Variants in COL12A1 observed in about 807,000 individuals in gnomAD.
COL12A1 encodes the protein collagen alpha-1(XII) chain.
A neutral mutation model predicts 349.7 loss-of-function variants in COL12A1; 114 were observed. The ratio of observed to expected loss-of-function variants is 0.33; its 90% CI spans 0.28 to 0.38. The LOEUF (loss-of-function observed/expected upper bound fraction) is 0.38. Among genes scored for constraint, COL12A1 ranks in the 10% least tolerant of loss-of-function variants. COL12A1 has a pLI of 1.00. For synonymous variants in COL12A1, 1,369 were observed against 1,329.0 expected (o/e 1.03, Z -0.66); for missense variants, 3,284 against 3,756.9 (o/e 0.87, Z 3.29).
Position 75,103,856 on chromosome 6 carries a change from A to G in COL12A1, c.8266-46T>C, listed in dbSNP as rs374531896. ...AGTAGTGTGAACATAGGAAAATAGG[A>G]GGAAGTTGATATACAAAAAGTCCTT... is the stretch of plus-strand genomic sequence containing the variant. On this transcript the variant is annotated intron_variant, in intron 54 of 65. Transcript: ENST00000322507. 17 of 1,486,418 alleles carry G rather than the reference A, an allele frequency of 1.1e-5. No individual in the cohort carries two copies. The Admixed American group carries it at 1.9e-4, about 16-fold the overall frequency. 92.1% of individuals were successfully genotyped at this position (1,486,418 alleles called of 1,614,324 possible).
At chr6:75,109,280 T>C (rs1768716497) in intron 51 of COL12A1, 113 bp from the exon 52 acceptor site, 2 of 681,628 alleles carry the variant, frequency 2.9e-6, no homozygotes, top group East Asian at 6.5e-5. Context: ...TCATCCTAAA[T>C]CAAAAGTCTT....
At position 75,184,015 on chromosome 6, in the gene COL12A1, C is replaced by T. The variant is rs748453662; in HGVS notation, c.1127G>A (p.Arg376Gln). 36 of 1,614,026 alleles carry T rather than the reference C, an allele frequency of 2.2e-5. 1 individual carries two copies. In the South Asian group the frequency reaches 2.4e-4, roughly 11 times the overall value. The change falls in exon 9 of 66, where the codon CGA becomes CAA. Residue 376 changes from arginine (R) to glutamine (Q), a missense_variant. Physicochemically the swap from Arg to Gln is conservative, Grantham distance 43. Transcript: ENST00000322507. ...AGGCCCCACACTCAGAGCGTGCTGTCGGCTTCCTGCAGTCATTGGTGTGAG... is the reference window on the plus strand; with the variant it reads ...AGGCCCCACACTCAGAGCGTGCTGTTGGCTTCCTGCAGTCATTGGTGTGAG... ...VILTPMTAGS[R>Q]QHALSVGPQT... is the part of the protein sequence containing the mutation.
At chr6:75,086,672 A>ATC (rs1554166193) in intron 65 of COL12A1, 115 bp from the exon 66 acceptor site, 6 of 331,254 alleles carry the variant, frequency 1.8e-5, no homozygotes, top group South Asian at 1.9e-4. Context: ...ATATATATAT[A>ATC]TCCATATATT....
intron 63 of COL12A1, among the ~76,000 whole-genome samples, chr6:75,089,387 G>A (rs1197380668): frequency 6.6e-6 from 1 of 152,082 alleles, no homozygotes; most frequent in East Asian, 1.9e-4. Flanking sequence ...CTACAAGGCA[G>A]GGGAAAAATT....
intron 58 of COL12A1, among the ~76,000 whole-genome samples, chr6:75,098,858 C>T (rs1027944541): frequency 3.3e-5 from 5 of 152,276 alleles, no homozygotes; most frequent in South Asian, 4.1e-4. Context: ...GCTCGTGCGC[C>T]CACATTTATA....
chr6:75,138,766 C>T (rs148281771), intron 28 of COL12A1, 56 bp downstream of exon 28: 2 of 1,604,562 alleles, frequency 1.2e-6, no homozygotes, highest in African/African-American at 2.7e-5. Flanking sequence ...ACTAAGCTTC[C>T]CTACAAATTA....
At chr6:75,147,076 A>T (rs957835704) in intron 23 of COL12A1, among the ~76,000 whole-genome samples, 6 of 152,230 alleles carry the variant, frequency 3.9e-5, no homozygotes, top group Non-Finnish European at 8.8e-5. Context: ...AGCAAGGAAC[A>T]TCTACCCCAA....
intron 11 of COL12A1, among the ~76,000 whole-genome samples, chr6:75,179,423 C>T (rs1769146311): frequency 6.6e-6 from 1 of 151,910 alleles, no homozygotes; most frequent in African/African-American, 2.4e-5. Flanking sequence ...GCATCAGAAA[C>T]TCAGAAATAT....
At chr6:75,198,320 T>G (rs896834136) in intron 2 of COL12A1, among the ~76,000 whole-genome samples, 4 of 152,068 alleles carry the variant, frequency 2.6e-5, no homozygotes, top group Non-Finnish European at 5.9e-5. Context: ...ATTCCAATAG[T>G]GGAACACTAG....
intron 14 of COL12A1, among the ~76,000 whole-genome samples, chr6:75,158,646 T>C (rs1177731677): frequency 6.6e-6 from 1 of 152,092 alleles, no homozygotes; most frequent in East Asian, 1.9e-4. Flanking sequence ...TATGTAATAA[T>C]GGTAGGAGAA....
intron 28 of COL12A1, 63 bp downstream of exon 28, chr6:75,138,759 A>C (rs1039876437): frequency 6.2e-7 from 1 of 1,601,898 alleles, no homozygotes; most frequent in African/African-American, 1.3e-5. Context: ...TCTTTGAACT[A>C]AGCTTCCCTA....
chr6:75,142,473 C>T (rs2149401683), intron 26 of COL12A1, among the ~76,000 whole-genome samples: 1 of 152,328 alleles, frequency 6.6e-6, no homozygotes, highest in Non-Finnish European at 1.5e-5. Flanking sequence ...CAGCAATGGT[C>T]TCTTACGCAC....
chr6:75,132,195 A>G, intron 34 of COL12A1, 113 bp from the exon 35 acceptor site: 1 of 1,306,354 alleles, frequency 7.7e-7, no homozygotes, highest in Non-Finnish European at 1.0e-6. Context: ...TATCTTCTTT[A>G]TACTTCTAAT....
chr6:75,195,844 T>C (rs912318347), intron 2 of COL12A1, among the ~76,000 whole-genome samples: 1 of 152,170 alleles, frequency 6.6e-6, no homozygotes, highest in African/African-American at 2.4e-5. Context: ...TCAATGTATA[T>C]TTATGGACAT....
intron 38 of COL12A1, among the ~76,000 whole-genome samples, chr6:75,126,939 C>T (rs1766048100): frequency 6.6e-6 from 1 of 152,098 alleles, no homozygotes; most frequent in South Asian, 2.1e-4. Flanking sequence ...TCCTCCACCA[C>T]CATTACCTAG....
intron 4 of COL12A1, 68 bp downstream of exon 4, chr6:75,192,144 T>A: frequency 2.4e-6 from 3 of 1,247,130 alleles, no homozygotes; most frequent in South Asian, 3.5e-5. Flanking sequence ...AAAGATTAAA[T>A]CTGAAGTTGG....
At chr6:75,173,295 C>A (rs1006631620) in intron 13 of COL12A1, among the ~76,000 whole-genome samples, 1 of 152,164 alleles carries the variant, frequency 6.6e-6, no homozygotes, top group Non-Finnish European at 1.5e-5. Context: ...ACTTTAAACA[C>A]TGGTATTTAA....
At chr6:75,184,612 C>T (rs1012701831) in intron 8 of COL12A1, among the ~76,000 whole-genome samples, 1 of 152,104 alleles carries the variant, frequency 6.6e-6, no homozygotes, top group Non-Finnish European at 1.5e-5. Context: ...AAAGAGAAAG[C>T]ATTTAGTACT....
intron 21 of COL12A1, 124 bp from the exon 22 acceptor site, chr6:75,148,621 C>T: frequency 1.3e-6 from 1 of 767,030 alleles, no homozygotes; most frequent in Non-Finnish European, 2.0e-6. Flanking sequence ...TTTTCACATA[C>T]TAAGTAGCTA....
Sources: allele counts gnomAD v4.1 joint callset (sites outside exome capture counted in the v4.1 genomes callset), GRCh38; gene constraint gnomAD v4.1.1; transcripts MANE v1.5; gene names NCBI Gene and HGNC (gene_info 2026-07-23, HGNC 2026-07-21).